The following PRRX2 variants were observed in gnomAD, a reference collection of about 807,000 sequenced individuals.
The protein encoded by PRRX2 is paired mesoderm homeobox protein 2.
In PRRX2, 11 loss-of-function variants were observed where a neutral mutation model predicts 18.0. The ratio of observed to expected loss-of-function variants is 0.61; its 90% CI spans 0.39 to 1.01. The LOEUF (loss-of-function observed/expected upper bound fraction) is 1.01, where lower values mean the gene tolerates loss of function less well. Among genes scored for constraint, PRRX2 ranks in the 50% least tolerant of loss-of-function variants. The pLI is 0.01. For missense variants in PRRX2, 387 were observed against 351.0 expected, an observed-to-expected ratio of 1.10 and a Z score of -0.82; for synonymous variants, 177 against 154.8, an observed-to-expected ratio of 1.14 and a Z score of -1.06.
intron 1 of PRRX2, among the ~76,000 whole-genome samples, chr9:129,676,452 GT>G (rs1832162822): frequency 6.6e-6 from 1 of 151,716 alleles, no homozygotes; most frequent in Non-Finnish European, 1.5e-5. Context: ...AGAAGAAAGA[GT>G]ATCTGCAATC....
intron 1 of PRRX2, among the ~76,000 whole-genome samples, chr9:129,712,578 C>T (rs2130931345): frequency 6.6e-6 from 1 of 152,216 alleles, no homozygotes; most frequent in Non-Finnish European, 1.5e-5. Context: ...GGCAGAAAAC[C>T]GTGCACCAGT....
At chr9:129,690,182 C>T (rs554860827) in intron 1 of PRRX2, among the ~76,000 whole-genome samples, 1 of 152,326 alleles carries the variant, frequency 6.6e-6, no homozygotes, top group African/African-American at 2.4e-5. Flanking sequence ...CTCCTCTCCG[C>T]TGCGATCCTC....
chr9:129,714,025 T>C (rs781001217), intron 1 of PRRX2, among the ~76,000 whole-genome samples: 1 of 146,108 alleles, frequency 6.8e-6, no homozygotes, highest in African/African-American at 2.8e-5. Flanking sequence ...GTAAAATGAT[T>C]CCATTGGTAG....
intron 1 of PRRX2, among the ~76,000 whole-genome samples, chr9:129,712,333 G>C (rs1377619353): frequency 6.6e-6 from 1 of 152,222 alleles, no homozygotes; most frequent in African/African-American, 2.4e-5. Context: ...AATAGAGTGT[G>C]TCTCTCAACA....
Position 129,666,026 on chromosome 9 carries a change from G to A in PRRX2, c.159G>A (p.Gly53=). ...ACCTGGAAGAGGTGGCGGCGGCCGG[G>A]CGGCTGGCGGCGCGCCCCGGGGCCA... is the stretch of plus-strand genomic sequence containing the variant. The part of the protein sequence containing the change: ...LLDLEEVAAA[G]RLAARPGARA... The change falls in exon 1 of 4, where the codon GGG becomes GGA. Residue 53 remains glycine, a synonymous_variant. Coordinates refer to ENST00000372469, the MANE Select transcript of PRRX2 (RefSeq NM_016307.4). The A allele has an allele frequency of 9.4e-7, 1 of 1,059,492 alleles. No homozygotes were observed. Among genetic ancestry groups the A allele is most frequent in the South Asian group, 4.0e-5 (1 of 24,792 alleles). 65.6% of individuals were successfully genotyped at this position (1,059,492 alleles called of 1,614,324 possible).
intron 1 of PRRX2, among the ~76,000 whole-genome samples, chr9:129,705,447 C>T (rs974292337): frequency 3.3e-5 from 5 of 152,110 alleles, no homozygotes; most frequent in African/African-American, 7.2e-5. Context: ...CTCCGCCTCC[C>T]GGGTTCAAGC....
chr9:129,686,180 C>T (rs1377293372), intron 1 of PRRX2, among the ~76,000 whole-genome samples: 1 of 152,126 alleles, frequency 6.6e-6, no homozygotes, highest in Non-Finnish European at 1.5e-5. Flanking sequence ...GGGGGCAGGT[C>T]CTGGGAACTA....
intron 1 of PRRX2, among the ~76,000 whole-genome samples, chr9:129,684,427 AACACACACACACACACACAC>A (rs72324782): frequency 1.2e-5 from 1 of 82,928 alleles, no homozygotes; most frequent in African/African-American, 4.6e-5. Context: ...ACACAGATAC[AACACACACACACACACACAC>A]ACACACACAC....
At chr9:129,678,884 G>T (rs564323428) in intron 1 of PRRX2, among the ~76,000 whole-genome samples, 8 of 152,298 alleles carry the variant, frequency 5.3e-5, no homozygotes, top group Non-Finnish European at 1.0e-4. Flanking sequence ...CCCAGAGCTC[G>T]CTGGGCTGCC....
chr9:129,713,139 C>G (rs1230779995), intron 1 of PRRX2: 1 of 152,270 alleles, frequency 6.6e-6, no homozygotes, highest in Non-Finnish European at 1.5e-5. Context: ...TCCTCCTCCC[C>G]GTCCGCGTTC....
intron 1 of PRRX2, among the ~76,000 whole-genome samples, chr9:129,683,044 G>T (rs1030448447): frequency 6.6e-6 from 1 of 151,840 alleles, no homozygotes; most frequent in Non-Finnish European, 1.5e-5. Flanking sequence ...GGAGGCGAAG[G>T]TTGCAGTGAG....
intron 1 of PRRX2, among the ~76,000 whole-genome samples, chr9:129,700,467 G>A (rs188168854): frequency 2.2e-4 from 33 of 151,788 alleles, no homozygotes; most frequent in African/African-American, 7.0e-4. Context: ...GTAGCTGGGA[G>A]TACAGGCACA....
At chr9:129,678,609 C>T (rs1294083504) in intron 1 of PRRX2, among the ~76,000 whole-genome samples, 3 of 152,122 alleles carry the variant, frequency 2.0e-5, no homozygotes, top group East Asian at 3.9e-4. Flanking sequence ...AAACAGCAGA[C>T]GGAAAGGCTC....
intron 1 of PRRX2, among the ~76,000 whole-genome samples, chr9:129,701,335 A>G (rs1490237881): frequency 1.3e-5 from 2 of 152,258 alleles, no homozygotes; most frequent in Non-Finnish European, 2.9e-5. Flanking sequence ...GCAGTCACCA[A>G]CGCGATAGCT....
chr9:129,673,058 C>T (rs530494585), intron 1 of PRRX2, among the ~76,000 whole-genome samples: 124 of 152,274 alleles, frequency 8.1e-4, no homozygotes, highest in Middle Eastern at 3.4e-3. Context: ...CAGTGGACAG[C>T]GTTAAAGGTT....
At chr9:129,668,687 G>A (rs189102048) in intron 1 of PRRX2, among the ~76,000 whole-genome samples, 12 of 146,240 alleles carry the variant, frequency 8.2e-5, no homozygotes, top group Middle Eastern at 3.6e-3. Flanking sequence ...TGAGACAGGA[G>A]AATCCCTTGA....
chr9:129,705,530 T>G lies in PRRX2; in HGVS notation c.260-13701T>G, dbSNP rs892407915. On this transcript the variant is annotated intron_variant, in intron 1 of 3. Coordinates refer to ENST00000372469, the MANE Select transcript of PRRX2 (RefSeq NM_016307.4). ...CCACCATGCCCGGCTAATTTTTGTA[T>G]TTTTAGTAGAGACAGGGTTTCACCA... Among the ~76,000 whole-genome samples the G allele has an allele frequency of 2.0e-5, 3 of 152,138 alleles. No individual in the cohort carries two copies. In the East Asian group the frequency reaches 5.9e-4, roughly 30 times the overall value.
intron 1 of PRRX2, among the ~76,000 whole-genome samples, chr9:129,673,482 A>G (rs1832124836): frequency 6.6e-6 from 1 of 152,052 alleles, no homozygotes; most frequent in African/African-American, 2.4e-5. Context: ...GAAACAAACA[A>G]AGGTTCCCAA....
rs193069555 is a variant in PRRX2, at chr9:129,700,678, C to T, written c.260-18553C>T. The stretch of plus-strand genomic sequence containing the variant: ...TGTCACCCAGGCTGGAGTGCAGTGG[C>T]ACAATTGTGGCTCACTGTGACCTTC... On this transcript the variant is annotated intron_variant, in intron 1 of 3. Transcript: ENST00000372469. Among the ~76,000 whole-genome samples, 102 of 152,036 alleles carry T rather than the reference C, an allele frequency of 6.7e-4. No homozygotes were observed. In the Middle Eastern group the frequency reaches 0.01, roughly 15 times the overall value.
Sources: allele counts gnomAD v4.1 joint callset (sites outside exome capture counted in the v4.1 genomes callset), GRCh38; gene constraint gnomAD v4.1.1; transcripts MANE v1.5; gene names NCBI Gene and HGNC (gene_info 2026-07-23, HGNC 2026-07-21).